Variants in CYP7B1 observed in about 807,000 individuals in gnomAD.
CYP7B1 encodes the protein cytochrome P450 7B1.
CYP7B1 carries 29 observed loss-of-function variants against 42.7 expected under a neutral mutation model. The observed-to-expected ratio is 0.68, with a 90% CI of 0.51 to 0.93. The LOEUF (loss-of-function observed/expected upper bound fraction) is 0.93, where lower values mean the gene tolerates loss of function less well. Ranked by LOEUF, CYP7B1 falls within the 40% of genes least tolerant of loss-of-function variation. The probability of loss-of-function intolerance (pLI) is 0.00; values close to 1 mark genes in which losing one functional copy is unlikely to be tolerated. For synonymous variants in CYP7B1, 235 were observed against 218.2 expected, an observed-to-expected ratio of 1.08 and a Z score of -0.68; for missense variants, 655 against 600.5, an observed-to-expected ratio of 1.09 and a Z score of -0.95.
chr8:64,650,200 T>C (rs187834041), intron 1 of CYP7B1, among the ~76,000 whole-genome samples: 1 of 152,328 alleles, frequency 6.6e-6, no homozygotes, highest in Admixed American at 6.5e-5. Flanking sequence ...CAGAAAAATA[T>C]ATAAGTTGGT....
chr8:64,669,536 T>A (rs1301785191), intron 1 of CYP7B1, among the ~76,000 whole-genome samples: 2 of 152,152 alleles, frequency 1.3e-5, no homozygotes, highest in Non-Finnish European at 2.9e-5. Context: ...CCCTCATATT[T>A]CTTATATAAT....
intron 1 of CYP7B1, among the ~76,000 whole-genome samples, chr8:64,653,199 A>G (rs1423343135): frequency 6.6e-6 from 1 of 152,224 alleles, no homozygotes; most frequent in Non-Finnish European, 1.5e-5. Flanking sequence ...CAAAAGATCA[A>G]TGAATCCAGG....
chr8:64,742,839 T>C (rs1027234094), intron 1 of CYP7B1, among the ~76,000 whole-genome samples: 2 of 152,226 alleles, frequency 1.3e-5, no homozygotes, highest in African/African-American at 2.4e-5. Flanking sequence ...GTTTTTTCCT[T>C]TGTAACCCTC....
chr8:64,728,652 T>C (rs1807358684), intron 1 of CYP7B1, among the ~76,000 whole-genome samples: 1 of 152,214 alleles, frequency 6.6e-6, no homozygotes, highest in Admixed American at 6.5e-5. Flanking sequence ...ACATACTAAA[T>C]GTTCAGTAAA....
intron 1 of CYP7B1, among the ~76,000 whole-genome samples, chr8:64,761,622 C>T (rs368373836): frequency 3.9e-5 from 6 of 152,160 alleles, no homozygotes; most frequent in African/African-American, 1.2e-4. Flanking sequence ...AAACTAGAAA[C>T]GAGTCTAGTC....
intron 1 of CYP7B1, among the ~76,000 whole-genome samples, chr8:64,700,241 T>C (rs963681846): frequency 1.3e-5 from 2 of 152,072 alleles, no homozygotes; most frequent in Non-Finnish European, 2.9e-5. Context: ...CTGTCAATCA[T>C]TTATACCATC....
chr8:64,612,957 T>C (rs1805383938), intron 4 of CYP7B1, among the ~76,000 whole-genome samples: 1 of 152,166 alleles, frequency 6.6e-6, no homozygotes, highest in Non-Finnish European at 1.5e-5. Flanking sequence ...AGGTTATTTG[T>C]TGTGTAACTA....
chr8:64,602,681 G>A (rs1473695547), intron 5 of CYP7B1, among the ~76,000 whole-genome samples: 1 of 152,142 alleles, frequency 6.6e-6, no homozygotes, highest in Non-Finnish European at 1.5e-5. Context: ...ATGAGCTCCT[G>A]AACCATGTTC....
At chr8:64,608,096 T>C (rs940798379) in intron 4 of CYP7B1, among the ~76,000 whole-genome samples, 6 of 152,214 alleles carry the variant, frequency 3.9e-5, no homozygotes, top group African/African-American at 1.4e-4. Context: ...AAGACTTCTT[T>C]CTCTTTTCAG....
At chr8:64,610,122 T>C (rs1321094257) in intron 4 of CYP7B1, among the ~76,000 whole-genome samples, 2 of 152,228 alleles carry the variant, frequency 1.3e-5, no homozygotes, top group Non-Finnish European at 2.9e-5. Context: ...TAGATCTAAA[T>C]ACAATAATTT....
intron 1 of CYP7B1, among the ~76,000 whole-genome samples, chr8:64,664,681 T>C (rs1025961814): frequency 3.9e-5 from 6 of 152,160 alleles, no homozygotes; most frequent in African/African-American, 1.2e-4. Context: ...TCATGGACTT[T>C]CTCTTGATGA....
At chr8:64,644,108 A>T (rs1244708434) in intron 1 of CYP7B1, among the ~76,000 whole-genome samples, 3 of 152,072 alleles carry the variant, frequency 2.0e-5, no homozygotes, top group Non-Finnish European at 4.4e-5. Context: ...CCCCGTCTCT[A>T]CTAAAAATAC....
intron 1 of CYP7B1, among the ~76,000 whole-genome samples, chr8:64,639,104 TC>T (rs971037325): frequency 5.3e-5 from 8 of 152,126 alleles, no homozygotes; most frequent in South Asian, 2.1e-4. Flanking sequence ...GTGTTTTTTT[TC>T]CTTCTCTATA....
intron 1 of CYP7B1, among the ~76,000 whole-genome samples, chr8:64,686,557 G>A (rs1167911841): frequency 2.3e-4 from 13 of 57,486 alleles, no homozygotes; most frequent in African/African-American, 6.4e-4. Context: ...GGTGAGGGGC[G>A]CCTCTGCCCG....
chr8:64,615,715 C>CA lies in CYP7B1; in HGVS notation c.825dup (p.Val276CysfsTer6). On this transcript the variant is annotated frameshift_variant, in exon 3 of 6. Transcript: ENST00000310193. LOFTEE classifies it high-confidence loss of function. ...CCTCCTATTTCAAGGTCCTCGTGCA[C>CA]ATAATATTTCTCCAGGACATCTTGC... The CA allele has an allele frequency of 6.2e-7, 1 of 1,613,644 alleles. No individual in the cohort carries two copies. Among genetic ancestry groups the CA allele is most frequent in the Non-Finnish European group, 8.5e-7 (1 of 1,179,690 alleles).
intron 1 of CYP7B1, among the ~76,000 whole-genome samples, chr8:64,749,692 A>C (rs1025073541): frequency 6.6e-6 from 1 of 152,166 alleles, no homozygotes; most frequent in Non-Finnish European, 1.5e-5. Flanking sequence ...TTATAATGGC[A>C]CTTTGTAATT....
chr8:64,665,661 C>T (rs559762213), intron 1 of CYP7B1, among the ~76,000 whole-genome samples: 33 of 147,296 alleles, frequency 2.2e-4, no homozygotes, highest in Admixed American at 8.2e-4. Context: ...ACCACAACCT[C>T]TGCCTCCCGG....
chr8:64,742,370 T>G (rs1457399564), intron 1 of CYP7B1, among the ~76,000 whole-genome samples: 1 of 152,068 alleles, frequency 6.6e-6, no homozygotes, highest in Middle Eastern at 3.2e-3. Flanking sequence ...TTTAAGAGAG[T>G]AGAAACAGTA....
intron 1 of CYP7B1, among the ~76,000 whole-genome samples, chr8:64,767,811 T>C (rs1804131457): frequency 6.6e-6 from 1 of 152,212 alleles, no homozygotes. Context: ...CAAATCGTTC[T>C]TCAAATGAAA....
Sources: gnomAD v4.1 joint callset for allele counts (sites outside exome capture counted in the v4.1 genomes callset) on GRCh38, gnomAD v4.1.1 for gene constraint, MANE v1.5 for transcripts, NCBI Gene and HGNC (gene_info 2026-07-23, HGNC 2026-07-21) for gene names.